Variants in RAPGEF3 observed in about 807,000 individuals in gnomAD.
RAPGEF3 encodes Rap guanine nucleotide exchange factor 3, also known as 9330170P05Rik.
RAPGEF3 carries 103 observed loss-of-function variants against 129.8 expected under a neutral mutation model. The ratio of observed to expected loss-of-function variants is 0.79; its 90% CI spans 0.68 to 0.93. The LOEUF is 0.93. Ranked by LOEUF, RAPGEF3 falls within the 40% of genes least tolerant of loss-of-function variation. The pLI is 0.00. For missense variants in RAPGEF3, 1,117 were observed against 1,207.4 expected, an observed-to-expected ratio of 0.93 and a Z score of 1.11; for synonymous variants, 436 against 482.6, an observed-to-expected ratio of 0.90 and a Z score of 1.26.
At position 47,748,870 on chromosome 12, in the gene RAPGEF3, C is replaced by A. The variant is rs775873450; in HGVS notation, c.1103G>T (p.Arg368Ile). 4 of 1,613,950 alleles carry A rather than the reference C, an allele frequency of 2.5e-6. No individual in the cohort carries two copies. Among genetic ancestry groups the A allele is most frequent in the Non-Finnish European group, 3.4e-6 (4 of 1,179,972 alleles). ...EHGKVVLVLE[R>I]ASQGAGPSRP... ...GGAAGGGCCGGCGCCCTGAGAGGCT[C>A]TCTCCAGCACCAGCACCACTTTGCC... The change falls in exon 11 of 28, where the codon AGA (arginine) becomes ATA (isoleucine). Residue 368 changes from arginine (R) to isoleucine (I), a missense_variant. Coordinates refer to ENST00000449771, the MANE Select transcript of RAPGEF3 (RefSeq NM_001098531.4).
chr12:47,744,387 T>G, intron 16 of RAPGEF3: 1 of 340,224 alleles, frequency 2.9e-6, no homozygotes, highest in Non-Finnish European at 5.4e-6. Context: ...TCTCTTCCTT[T>G]TCCTCCAGCT....
At chr12:47,745,027 T>G (rs533369495) in intron 16 of RAPGEF3, 1 of 152,664 alleles carries the variant, frequency 6.6e-6, no homozygotes, top group Admixed American at 6.5e-5. Flanking sequence ...GACCACTCTG[T>G]TCCCCAGCCA....
intron 18 of RAPGEF3, among the ~76,000 whole-genome samples, chr12:47,742,763 C>G (rs1941232392): frequency 6.6e-6 from 1 of 152,196 alleles, no homozygotes; most frequent in African/African-American, 2.4e-5. Context: ...AGAGGTTAAG[C>G]AACTTGCCCA....
At chr12:47,748,052 C>A in intron 13 of RAPGEF3, 22 bp downstream of exon 13, 1 of 1,564,588 alleles carries the variant, frequency 6.4e-7, no homozygotes. Context: ...TGCACACCAT[C>A]CCCCTGGAGC....
rs745744981 is a variant in RAPGEF3 at position 47,740,770 on chromosome 12, G to A, written c.2103C>T (p.Thr701=). The A allele has an allele frequency of 2.2e-5, 36 of 1,613,974 alleles. No homozygotes were observed. The highest frequency in any genetic ancestry group is 2.7e-5 in the Non-Finnish European group (32 of 1,180,014). The change falls in exon 21 of 28, where the codon ACC becomes ACT. Residue 701 remains threonine (T), a synonymous_variant. Transcript: ENST00000449771. ...GGCGCATGAAGCGCTCCAGGTTGGC[G>A]GTGGTGACATCCCGCAGATGCTGGG... ...LGPQHLRDVT[T]ANLERFMRRF...
chr12:47,739,593 G>A, intron 23 of RAPGEF3: 1 of 458,034 alleles, frequency 2.2e-6, no homozygotes, highest in South Asian at 2.1e-5. Flanking sequence ...TTTCTCTCAA[G>A]AGCTCCCAGG....
intron 27 of RAPGEF3, among the ~76,000 whole-genome samples, 168 bp from the exon 28 acceptor site, chr12:47,737,853 G>T (rs569825682): frequency 6.6e-6 from 1 of 152,236 alleles, no homozygotes; most frequent in African/African-American, 2.4e-5. Context: ...ACGGGTGAGG[G>T]GACCGAAGAG....
chr12:47,740,877 C>G lies in RAPGEF3; in HGVS notation c.2049+38G>C, dbSNP rs568352543. On this transcript the variant is annotated intron_variant, in intron 20 of 27. Transcript: ENST00000449771. ...GAGTGCTGAGCCGAGCCGGGCGCCC[C>G]GCCGCCTGCTCTCCTCCCCCAGCTC... is the stretch of plus-strand genomic sequence containing the variant. 32 of 1,613,510 alleles carry G rather than the reference C, an allele frequency of 2.0e-5. No individual in the cohort carries two copies. In the Admixed American group the frequency reaches 3.2e-4, roughly 16 times the overall value.
chr12:47,741,523 T>C lies in RAPGEF3; in HGVS notation c.1905A>G (p.Pro635=). 1.2e-6 allele frequency: 2 copies of C among 1,613,944 alleles called. No homozygotes were observed. The highest frequency in any genetic ancestry group is 1.7e-6 in the Non-Finnish European group (2 of 1,179,926). Residue 635 remains proline, a synonymous_variant, in exon 19 of 28, where the codon CCA becomes CCG. Coordinates refer to ENST00000449771, the MANE Select transcript of RAPGEF3 (RefSeq NM_001098531.4). ...TCCCTACCAGCTCATGCACTTCCTG[T>C]GGGTTGACAACAAAGAGACGCTCAT... The part of the protein sequence containing the change: ...GLNERLFVVN[P]QEVHELIPHP...
intron 16 of RAPGEF3, chr12:47,745,687 A>C (rs953468443): frequency 1.3e-5 from 2 of 152,038 alleles, no homozygotes; most frequent in African/African-American, 2.4e-5. Flanking sequence ...AGCCGACTCC[A>C]GTGCACATTC....
Position 47,751,031 on chromosome 12 carries a change from C to T in RAPGEF3, c.671+17G>A. The T allele has an allele frequency of 6.3e-7, 1 of 1,593,720 alleles. No homozygotes were observed. Among genetic ancestry groups the T allele is most frequent in the South Asian group, 1.1e-5 (1 of 87,210 alleles). On this transcript the variant is annotated intron_variant, in intron 6 of 27. Coordinates refer to ENST00000449771, the MANE Select transcript of RAPGEF3 (RefSeq NM_001098531.4). ...GTGTGAGGCCTGGGGTCACGGGGTG[C>T]AGGGATTCTGACTCACGGCTTTCGA...
At chr12:47,748,728 A>G in intron 11 of RAPGEF3, 91 bp downstream of exon 11, 1 of 1,130,214 alleles carries the variant, frequency 8.8e-7, no homozygotes, top group Non-Finnish European at 1.3e-6. Context: ...ACAAGTGGCC[A>G]GAGGGCAGGG....
intron 25 of RAPGEF3, 70 bp from the exon 26 acceptor site, chr12:47,738,317 G>A: frequency 1.3e-6 from 2 of 1,583,880 alleles, no homozygotes; most frequent in Non-Finnish European, 1.7e-6. Context: ...GCAGCAGCAG[G>A]GAGGCCAAGC....
chr12:47,743,980 C>G lies in RAPGEF3; in HGVS notation c.1678+7G>C. 3 of 1,594,414 alleles carry G rather than the reference C, an allele frequency of 1.9e-6. No individual in the cohort carries two copies. The highest frequency in any genetic ancestry group is 2.6e-6 in the Non-Finnish European group (3 of 1,162,536). ...CGGGCTGTGCCCAGCCGGCACAGAC[C>G]ACCAACCTTTATCCCCAACTTGGAT... On this transcript the variant is annotated splice_region_variant and intron_variant, in intron 17 of 27. Transcript: ENST00000449771.
At chr12:47,758,184 G>T in intron 1 of RAPGEF3, 106 bp from the exon 2 acceptor site, 1 of 1,455,976 alleles carries the variant, frequency 6.9e-7, no homozygotes. Flanking sequence ...CCTCTGGACT[G>T]GTCAGGCGGA....
Position 47,739,153 on chromosome 12 carries a change from A to G in RAPGEF3, c.2451T>C (p.Leu817=). The change falls in exon 24 of 28, where the codon CTT becomes CTC. Residue 817 remains leucine, a synonymous_variant. Transcript: ENST00000449771. The part of the protein sequence containing the change: ...LSPPVIPFMP[L]LLKDMTFIHE... ...AGGAAGCCCTGTTACCTTTGAGAAG[A>G]AGGGGCATGAAGGGGATGACAGGAG... is the stretch of plus-strand genomic sequence containing the variant. 1 of 1,598,666 alleles carries G rather than the reference A, an allele frequency of 6.3e-7. No individual in the cohort carries two copies. Among genetic ancestry groups the G allele is most frequent in the Non-Finnish European group, 8.5e-7 (1 of 1,171,844 alleles).
chr12:47,744,275 C>T (rs1483731006), intron 16 of RAPGEF3: 17 of 585,212 alleles, frequency 2.9e-5, no homozygotes, highest in South Asian at 4.0e-5. Context: ...TGTCTAAGGG[C>T]GGGGCAAATC....
At chr12:47,752,036 C>T in intron 2 of RAPGEF3, 67 bp from the exon 3 acceptor site, 1 of 1,534,956 alleles carries the variant, frequency 6.5e-7, no homozygotes, top group Non-Finnish European at 9.0e-7. Context: ...GGATACCTCC[C>T]CTCCCCCATC....
intron 10 of RAPGEF3, 52 bp from the exon 11 acceptor site, chr12:47,748,983 C>T (rs998662019): frequency 1.4e-6 from 2 of 1,407,254 alleles, no homozygotes; most frequent in South Asian, 1.2e-5. Context: ...CAGCTTTAGA[C>T]CCTCTCATCT....
Sources: gnomAD v4.1 joint callset for allele counts (sites outside exome capture counted in the v4.1 genomes callset) on GRCh38, gnomAD v4.1.1 for gene constraint, MANE v1.5 for transcripts, NCBI Gene and HGNC (gene_info 2026-07-23, HGNC 2026-07-21) for gene names.